Variants in DNAJC27 observed in about 807,000 individuals in gnomAD.
DNAJC27 encodes DnaJ heat shock protein family (Hsp40) member C27, also known as dnaJ homolog subfamily C member 27.
A neutral mutation model predicts 31.4 loss-of-function variants in DNAJC27; 25 were observed. The ratio of observed to expected loss-of-function variants is 0.80; its 90% confidence interval spans 0.58 to 1.11. The LOEUF (loss-of-function observed/expected upper bound fraction) is 1.11. Among genes scored for constraint, DNAJC27 ranks in the 50% most tolerant of loss-of-function variants. DNAJC27 has a pLI of 0.00. For missense variants in DNAJC27, 356 were observed against 347.3 expected (o/e 1.02, Z -0.20); for synonymous variants, 106 against 112.7 (o/e 0.94, Z 0.37).
rs368139378 is a variant in DNAJC27 at position 24,971,905 on chromosome 2, G to A, written c.-1C>T. Reference sequence around the variant, plus strand: ...TCCGCTTCGGCATGTTGGCCTCCATGGCCCTGGCTCTCTCGGGGCCACCCG... The same window carrying A: ...TCCGCTTCGGCATGTTGGCCTCCATAGCCCTGGCTCTCTCGGGGCCACCCG... On this transcript the variant is annotated 5_prime_UTR_variant, in exon 1 of 7. Coordinates refer to ENST00000264711, the MANE Select transcript of DNAJC27 (RefSeq NM_016544.3). The A allele has an allele frequency of 3.1e-6, 5 of 1,593,188 alleles. No homozygotes were observed. The African/African-American group carries it at 6.8e-5, about 22-fold the overall frequency.
At position 24,957,067 on chromosome 2, in the gene DNAJC27, T is replaced by C. The variant is rs1254164957; in HGVS notation, c.504A>G (p.Gly168=). 1.9e-6 allele frequency: 3 copies of C among 1,609,384 alleles called. No homozygotes were observed. Among genetic ancestry groups the C allele is most frequent in the African/African-American group, 1.3e-5 (1 of 74,650 alleles). ...CCTGGAACATCTCATTAATGCCTTC[T>C]CCAGTTTGTGCTGAAGTTTCAAAGT... ...FLYFETSAQT[G]EGINEMFQTF... The change falls in exon 5 of 7, where the codon GGA becomes GGG. Residue 168 remains glycine (G), a synonymous_variant. Transcript: ENST00000264711.
intron 5 of DNAJC27, 109 bp downstream of exon 5, chr2:24,956,934 G>C: frequency 1.5e-6 from 2 of 1,302,338 alleles, no homozygotes; most frequent in Non-Finnish European, 2.1e-6. Context: ...AAAAGAAAGA[G>C]CTTATTCTAA....
intron 1 of DNAJC27, among the ~76,000 whole-genome samples, chr2:24,967,646 G>C (rs145138595): frequency 1.3e-5 from 2 of 151,838 alleles, no homozygotes; most frequent in Non-Finnish European, 2.9e-5. Flanking sequence ...GTTGCAGTGA[G>C]CTGAGATTGC....
chr2:24,967,937 A>G (rs1297832766), intron 1 of DNAJC27, among the ~76,000 whole-genome samples: 1 of 148,446 alleles, frequency 6.7e-6, no homozygotes, highest in African/African-American at 2.5e-5. Context: ...ATCTCTAAAT[A>G]TCTATTAGAT....
Position 24,947,737 on chromosome 2 carries a change from T to C in DNAJC27, c.701A>G (p.Asn234Ser), listed in dbSNP as rs1187828636. The C allele has an allele frequency of 9.9e-6, 16 of 1,612,812 alleles. No homozygotes were observed. The highest frequency in any genetic ancestry group is 1.3e-5 in the African/African-American group (1 of 74,936). Residue 234 changes from asparagine (N) to serine (S), a missense_variant, in exon 7 of 7, where the codon AAT becomes AGT. Transcript: ENST00000264711. ...VKPGASRDEV[N>S]KAYRKLAVLL... Reference sequence around the variant, plus strand: ...CACAGCAAGTTTCCGATACGCTTTATTGACTTCATCCCTGGGAAAAGAAGC... The same window carrying C: ...CACAGCAAGTTTCCGATACGCTTTACTGACTTCATCCCTGGGAAAAGAAGC...
chr2:24,957,113 G>GC lies in DNAJC27; in HGVS notation c.457dup (p.Ala153GlyfsTer2). ...AAAGTACAGGAACCCTTTGCTTTCA[G>GC]CCCAAAGACGTCCTTCACTTTCATC... On this transcript the variant is annotated frameshift_variant, in exon 5 of 7. Coordinates refer to ENST00000264711, the MANE Select transcript of DNAJC27 (RefSeq NM_016544.3). LOFTEE classifies it high-confidence loss of function. 1 of 1,608,890 alleles carries GC rather than the reference G, an allele frequency of 6.2e-7. No homozygotes were observed. The highest frequency in any genetic ancestry group is 8.5e-7 in the Non-Finnish European group (1 of 1,178,314).
In DNAJC27 at chr2:24,946,367, G is replaced by A. The variant is rs1665651684; in HGVS notation, c.*1249C>T. ...TCAGGCCAAGGCTTAGAAGAGGGAG[G>A]AGGCAGTGGCCAGAAGCCAGGGACT... On this transcript the variant is annotated 3_prime_UTR_variant, in exon 7 of 7. Transcript: ENST00000264711. The A allele has an allele frequency of 6.6e-6, 1 of 152,306 alleles. No individual in the cohort carries two copies. Among genetic ancestry groups the A allele is most frequent in the South Asian group, 2.1e-4 (1 of 4,828 alleles). 9.4% of individuals were successfully genotyped at this position (152,306 alleles called of 1,614,324 possible).
intron 5 of DNAJC27, among the ~76,000 whole-genome samples, chr2:24,951,909 G>A (rs1665784308): frequency 6.6e-6 from 1 of 152,046 alleles, no homozygotes; most frequent in African/African-American, 2.4e-5. Context: ...AGGAGTTTGA[G>A]ACCAGCCTGG....
upstream of DNAJC27, chr2:24,972,076 G>A (rs1666362226): frequency 7.9e-6 from 4 of 503,528 alleles, no homozygotes; most frequent in South Asian, 7.9e-5. Flanking sequence ...GGGAGCGTGG[G>A]GAGCCGGGGG....
intron 6 of DNAJC27, among the ~76,000 whole-genome samples, chr2:24,947,973 ATAAATGCTAACAAAACAC>A (rs1479849342): frequency 6.6e-6 from 1 of 152,254 alleles, no homozygotes; most frequent in Non-Finnish European, 1.5e-5. Flanking sequence ...CAAAAAGTAT[ATAAATGCTAACAAAACAC>A]TTAGTAAAAT....
chr2:24,971,630 G>A, intron 1 of DNAJC27, 188 bp downstream of exon 1: 1 of 503,992 alleles, frequency 2.0e-6, no homozygotes. Context: ...GGAGGACGAG[G>A]GGGCAACGGA....
chr2:24,945,903 C>T lies in DNAJC27; in HGVS notation c.*1713G>A, dbSNP rs556122241. 3 of 152,228 alleles carry T rather than the reference C, an allele frequency of 2.0e-5. No homozygotes were observed. Among genetic ancestry groups the T allele is most frequent in the African/African-American group, 7.2e-5 (3 of 41,528 alleles). The allele number at this position is 152,228 out of a possible 1,614,324, so 9.4% of individuals were successfully genotyped here. A position where few individuals can be genotyped will look rare whatever the true frequency, so the allele number is the denominator to read the frequency against. The stretch of plus-strand genomic sequence containing the variant: ...GGATTGGAAGAAAGTGGCTTTTCTT[C>T]TTAGGAGGTAAGGTAGATGCTCTTT... On this transcript the variant is annotated 3_prime_UTR_variant, in exon 7 of 7. Coordinates refer to ENST00000264711, the MANE Select transcript of DNAJC27 (RefSeq NM_016544.3).
In DNAJC27 at chr2:24,946,045, G is replaced by A. The variant is rs1665641403; in HGVS notation, c.*1571C>T. ...TATAAAAATGTGAATTAGTGTGGTT[G>A]CAGCTAAAAGTATGAGTGATGTAAC... On this transcript the variant is annotated 3_prime_UTR_variant, in exon 7 of 7. Transcript: ENST00000264711. 6.6e-6 allele frequency: 1 copy of A among 152,178 alleles called. No homozygotes were observed. The highest frequency in any genetic ancestry group is 6.5e-5 in the Admixed American group (1 of 15,278). 9.4% of individuals were successfully genotyped at this position (152,178 alleles called of 1,614,324 possible).
intron 6 of DNAJC27, among the ~76,000 whole-genome samples, chr2:24,948,418 A>T (rs368587864): frequency 1.3e-5 from 2 of 152,218 alleles, no homozygotes; most frequent in Non-Finnish European, 2.9e-5. Context: ...CAGGAGGAGA[A>T]GATGAAAAGA....
intron 2 of DNAJC27, among the ~76,000 whole-genome samples, chr2:24,965,255 A>AC (rs933895695): frequency 2.0e-5 from 3 of 150,720 alleles, no homozygotes; most frequent in African/African-American, 7.3e-5. Flanking sequence ...TGTGAATTTC[A>AC]TTTTTATTTT....
intron 5 of DNAJC27, among the ~76,000 whole-genome samples, chr2:24,952,211 T>G (rs1218278548): frequency 2.0e-5 from 3 of 152,196 alleles, no homozygotes; most frequent in Admixed American, 2.0e-4. Flanking sequence ...ACTGTGTCTC[T>G]CTACTCCTCA....
chr2:24,970,761 G>GA (rs539703983), intron 1 of DNAJC27, among the ~76,000 whole-genome samples: 128 of 141,944 alleles, frequency 9.0e-4, no homozygotes, highest in South Asian at 4.0e-3. Context: ...CCAGTCCCTA[G>GA]AAAAAAAAAA....
intron 2 of DNAJC27, 35 bp downstream of exon 2, chr2:24,967,176 T>C (rs1220084967): frequency 3.9e-6 from 6 of 1,541,398 alleles, no homozygotes; most frequent in South Asian, 1.1e-5. Context: ...TGAACTTCTA[T>C]GTAACTTACA....
chr2:24,956,998 C>A, intron 5 of DNAJC27, 45 bp downstream of exon 5: 5 of 1,574,936 alleles, frequency 3.2e-6, no homozygotes, highest in Non-Finnish European at 2.6e-6. Flanking sequence ...AAAATTGGCA[C>A]AGTGGCCTTG....
Sources: gnomAD v4.1 joint callset for allele counts (sites outside exome capture counted in the v4.1 genomes callset) on GRCh38, gnomAD v4.1.1 for gene constraint, MANE v1.5 for transcripts, NCBI Gene and HGNC (gene_info 2026-07-23, HGNC 2026-07-21) for gene names.